The following DHCR24 variants were observed in gnomAD, a reference collection of about 807,000 sequenced individuals.
DHCR24 encodes the protein delta(24)-sterol reductase.
Under a neutral mutation model 61.2 loss-of-function variants are expected in DHCR24, and 28 were observed. The ratio of observed to expected loss-of-function variants is 0.46; its 90% confidence interval spans 0.34 to 0.63. The LOEUF (loss-of-function observed/expected upper bound fraction) is 0.63. Among genes scored for constraint, DHCR24 ranks in the 20% least tolerant of loss-of-function variants. The pLI is 0.01. For missense variants in DHCR24, 538 were observed against 679.1 expected, an observed-to-expected ratio of 0.79 and a Z score of 2.31; for synonymous variants, 261 against 275.9, an observed-to-expected ratio of 0.95 and a Z score of 0.54.
chr1:54,858,653 T>C (rs12122351), intron 6 of DHCR24, among the ~76,000 whole-genome samples: 1,669 of 152,328 alleles, frequency 0.011, 16 homozygotes, highest in Non-Finnish European at 0.019. Flanking sequence ...ATTTATTTAT[T>C]TGAGATGGAG....
At chr1:54,868,008 A>T (rs1357146594) in intron 5 of DHCR24, among the ~76,000 whole-genome samples, 1 of 152,184 alleles carries the variant, frequency 6.6e-6, no homozygotes, top group Non-Finnish European at 1.5e-5. Context: ...GTGTGTCTTC[A>T]GAGAAGTCTC....
chr1:54,853,403 G>C (rs1004508366), intron 8 of DHCR24, 31 bp downstream of exon 8: 1 of 1,613,858 alleles, frequency 6.2e-7, no homozygotes, highest in Non-Finnish European at 8.5e-7. Flanking sequence ...CTGTCAGCTA[G>C]AGGCAACATA....
intron 2 of DHCR24, among the ~76,000 whole-genome samples, chr1:54,877,559 C>A (rs965810017): frequency 6.6e-6 from 1 of 151,654 alleles, no homozygotes; most frequent in Admixed American, 6.6e-5. Context: ...GGTTCGAGAC[C>A]AGCCAGGACA....
rs914966499 is a variant in DHCR24 at position 54,858,055 on chromosome 1, A to G, written c.1021-3821T>C. 2.0e-5 allele frequency among the ~76,000 whole-genome samples: 3 copies of G among 152,246 alleles called. No individual in the cohort carries two copies. The East Asian group carries it at 5.8e-4, about 29-fold the overall frequency. On this transcript the variant is annotated intron_variant, in intron 6 of 8. Coordinates refer to ENST00000371269, the MANE Select transcript of DHCR24 (RefSeq NM_014762.4). ...AAGAGTTATCCCAGCAGAGGGGGGGAAAAGGCATGCATTTGAAATTGTTTA... is the reference window on the plus strand; with the variant it reads ...AAGAGTTATCCCAGCAGAGGGGGGGGAAAGGCATGCATTTGAAATTGTTTA...
chr1:54,861,091 C>T (rs1225823111), intron 6 of DHCR24, among the ~76,000 whole-genome samples: 1 of 152,112 alleles, frequency 6.6e-6, no homozygotes, highest in African/African-American at 2.4e-5. Context: ...CTTTACATTC[C>T]AGTGATCTTA....
At chr1:54,874,735 C>T (rs963028478) in intron 4 of DHCR24, among the ~76,000 whole-genome samples, 3 of 152,146 alleles carry the variant, frequency 2.0e-5, no homozygotes, top group African/African-American at 7.2e-5. Flanking sequence ...AGCCTGATTA[C>T]TGGGGTGTGA....
Position 54,871,773 on chromosome 1 carries a change from T to C in DHCR24, c.613-160A>G, listed in dbSNP as rs12119804. Among the ~76,000 whole-genome samples the C allele has an allele frequency of 0.11, 16,293 of 152,162 alleles. 952 individuals carry two copies. The highest frequency in any genetic ancestry group is 0.12 in the African/African-American group (5,155 of 41,516). On this transcript the variant is annotated intron_variant, in intron 4 of 8. Coordinates refer to ENST00000371269, the MANE Select transcript of DHCR24 (RefSeq NM_014762.4). Reference sequence around the variant, plus strand: ...CAAACTGTGCTTGCTGGGCTTTAGTTTCCTCCCTGCAGCTTCGACATGACA... The same window carrying C: ...CAAACTGTGCTTGCTGGGCTTTAGTCTCCTCCCTGCAGCTTCGACATGACA...
chr1:54,880,280 A>G (rs1647057185), intron 2 of DHCR24, among the ~76,000 whole-genome samples: 2 of 152,236 alleles, frequency 1.3e-5, no homozygotes, highest in African/African-American at 2.4e-5. Flanking sequence ...AGCTAACCCA[A>G]GAAGAAATAA....
chr1:54,878,514 C>CAAAAAAAAAAAAAAAAAAAAAAAA (rs56198608), intron 2 of DHCR24, among the ~76,000 whole-genome samples: 1 of 54,298 alleles, frequency 1.8e-5, no homozygotes, highest in Non-Finnish European at 3.2e-5. Flanking sequence ...AACTCTGTCT[C>CAAAAAAAAAAAAAAAAAAAAAAAA]AAAAAAAAAA....
chr1:54,871,726 T>C, intron 4 of DHCR24, 113 bp from the exon 5 acceptor site: 1 of 1,434,526 alleles, frequency 7.0e-7, no homozygotes, highest in Non-Finnish European at 9.6e-7. Flanking sequence ...CTCTCTTGTA[T>C]AAACCCAAAC....
In DHCR24 at chr1:54,850,955, C is replaced by G. The variant is rs1646872111; in HGVS notation, c.*1278G>C. The G allele has an allele frequency of 6.6e-6, 1 of 152,426 alleles. No homozygotes were observed. The highest frequency in any genetic ancestry group is 2.4e-5 in the African/African-American group (1 of 41,444). The allele number at this position is 152,426 out of a possible 1,614,324, so 9.4% of individuals were successfully genotyped here. A position where few individuals can be genotyped will look rare whatever the true frequency, so the allele number is the denominator to read the frequency against. On this transcript the variant is annotated 3_prime_UTR_variant, in exon 9 of 9. Coordinates refer to ENST00000371269, the MANE Select transcript of DHCR24 (RefSeq NM_014762.4). ...GGCTCAGCTCCCTTAATTCCAGCTT[C>G]CCTTACATGACGCAATTCCTTCTCA... is the stretch of plus-strand genomic sequence containing the variant.
intron 6 of DHCR24, among the ~76,000 whole-genome samples, chr1:54,856,186 G>T (rs755627231): frequency 1.1e-4 from 16 of 152,220 alleles, no homozygotes; most frequent in Non-Finnish European, 2.1e-4. Flanking sequence ...CCCTCTGGTT[G>T]TGTGTTCCTT....
chr1:54,867,860 C>T (rs1646975725), intron 5 of DHCR24, among the ~76,000 whole-genome samples: 1 of 152,194 alleles, frequency 6.6e-6, no homozygotes, highest in Non-Finnish European at 1.5e-5. Flanking sequence ...ACCGCTGTTC[C>T]AGGACCTCCA....
At position 54,852,127 on chromosome 1, in the gene DHCR24, G is replaced by A; in HGVS notation, c.*106C>T. 7.1e-7 allele frequency: 1 copy of A among 1,400,642 alleles called. No individual in the cohort carries two copies. The highest frequency in any genetic ancestry group is 1.2e-5 in the South Asian group (1 of 80,390). The allele number at this position is 1,400,642 out of a possible 1,614,324, so 86.8% of individuals were successfully genotyped here. A position where few individuals can be genotyped will look rare whatever the true frequency, so the allele number is the denominator to read the frequency against. On this transcript the variant is annotated 3_prime_UTR_variant, in exon 9 of 9. Transcript: ENST00000371269. The stretch of plus-strand genomic sequence containing the variant: ...TTGGGCTGTCAGGGTGGGAGTTCTG[G>A]AGGGGTTTCTCTTTGAAAGTGTGGA...
chr1:54,886,769 C>T (rs1330648532), intron 1 of DHCR24, 120 bp downstream of exon 1: 1 of 1,506,710 alleles, frequency 6.6e-7, no homozygotes, highest in Non-Finnish European at 8.9e-7. Flanking sequence ...GCCAGCTCCC[C>T]ACCCCCCCAG....
chr1:54,876,383 G>A (rs1178945157), intron 2 of DHCR24, among the ~76,000 whole-genome samples: 1 of 152,202 alleles, frequency 6.6e-6, no homozygotes. Context: ...GCTGGTCGTG[G>A]TGACTCATGT....
Position 54,852,304 on chromosome 1 carries a change from G to T in DHCR24, c.1480C>A (p.Arg494=), listed in dbSNP as rs563822834. Reference sequence around the variant, plus strand: ...GCGTCCTGGCAACCCAGCTTCTCTCGCAGCTTGTGGTACAAGGAGCCATCA... The same window carrying T: ...GCGTCCTGGCAACCCAGCTTCTCTCTCAGCTTGTGGTACAAGGAGCCATCA... ...MFDGSLYHKL[R]EKLGCQDAFP... is the part of the protein sequence containing the mutation. Residue 494 remains arginine (R), a synonymous_variant, in exon 9 of 9, where the codon CGA becomes AGA. Coordinates refer to ENST00000371269, the MANE Select transcript of DHCR24 (RefSeq NM_014762.4). The T allele has an allele frequency of 2.4e-5, 38 of 1,614,182 alleles. No homozygotes were observed. The South Asian group carries it at 4.2e-4, about 18-fold the overall frequency.
At position 54,883,821 on chromosome 1, in the gene DHCR24, G is replaced by T; in HGVS notation, c.232-48C>A. ...GAGCTGGCCCCACTGGGAATCCCCA[G>T]AGCAGCCTGCAGCCCTGCTTTCTTC... is the stretch of plus-strand genomic sequence containing the variant. On this transcript the variant is annotated intron_variant, in intron 1 of 8. Coordinates refer to ENST00000371269, the MANE Select transcript of DHCR24 (RefSeq NM_014762.4). The surrounding 1 kb of genome is among the most constrained non-coding windows in gnomAD (Gnocchi z 4.3). 1 of 1,612,246 alleles carries T rather than the reference G, an allele frequency of 6.2e-7. No individual in the cohort carries two copies. Among genetic ancestry groups the T allele is most frequent in the South Asian group, 1.1e-5 (1 of 90,990 alleles).
chr1:54,857,665 A>G (rs1191326564), intron 6 of DHCR24, among the ~76,000 whole-genome samples: 2 of 152,226 alleles, frequency 1.3e-5, no homozygotes, highest in African/African-American at 4.8e-5. Context: ...AATTCATACT[A>G]ATAATTTAAA....
Sources: allele counts gnomAD v4.1 joint callset (sites outside exome capture counted in the v4.1 genomes callset), GRCh38; gene constraint gnomAD v4.1.1; non-coding constraint Gnocchi (gnomAD v3.1); transcripts MANE v1.5; gene names NCBI Gene and HGNC (gene_info 2026-07-23, HGNC 2026-07-21).